The following EBF2 variants were observed in gnomAD, a reference collection of about 807,000 sequenced individuals.
EBF2 encodes the protein EBF transcription factor 2, also known as transcription factor COE2.
EBF2 carries 21 observed loss-of-function variants against 72.8 expected under a neutral mutation model. That is an observed-to-expected ratio of 0.29 (90% CI 0.20 to 0.42). The LOEUF (loss-of-function observed/expected upper bound fraction) is 0.42, where lower values mean the gene tolerates loss of function less well. EBF2 is among the 10% of genes least tolerant of loss of function. The pLI is 1.00. For missense variants in EBF2, 637 were observed against 731.2 expected (o/e 0.87, Z 1.49); for synonymous variants, 299 against 274.2 (o/e 1.09, Z -0.89).
At chr8:25,878,147 C>T (rs1273344703) in intron 10 of EBF2, among the ~76,000 whole-genome samples, 6 of 152,164 alleles carry the variant, frequency 3.9e-5, no homozygotes, top group African/African-American at 1.4e-4. Flanking sequence ...CCTCTCGGGA[C>T]CCGTCCTGCT....
At chr8:25,919,408 A>C (rs1437757336) in intron 6 of EBF2, among the ~76,000 whole-genome samples, 1 of 152,196 alleles carries the variant, frequency 6.6e-6, no homozygotes, top group Non-Finnish European at 1.5e-5. Context: ...ATTTTAGAGC[A>C]AATAGAGAGC....
At chr8:25,953,784 T>A (rs1232389775) in intron 6 of EBF2, among the ~76,000 whole-genome samples, 2 of 152,216 alleles carry the variant, frequency 1.3e-5, no homozygotes, top group Non-Finnish European at 2.9e-5. Context: ...TCCAGGTGAA[T>A]GACAGTCCCT....
chr8:25,844,453 G>T lies in EBF2; in HGVS notation c.*156C>A. 1 of 740,816 alleles carries T rather than the reference G, an allele frequency of 1.3e-6. No individual in the cohort carries two copies. Among genetic ancestry groups the T allele is most frequent in the Non-Finnish European group, 2.3e-6 (1 of 438,014 alleles). The allele number at this position is 740,816 out of a possible 1,614,324, so 45.9% of individuals were successfully genotyped here. On this transcript the variant is annotated 3_prime_UTR_variant, in exon 16 of 16. Transcript: ENST00000520164. ...GCCACCATCAGAGCTATAGGAGGACGTGGGACCAAGTAAGATGCTGGCTCC... is the reference window on the plus strand; with the variant it reads ...GCCACCATCAGAGCTATAGGAGGACTTGGGACCAAGTAAGATGCTGGCTCC...
chr8:26,002,830 G>C (rs1466337783), intron 6 of EBF2, among the ~76,000 whole-genome samples: 1 of 83,150 alleles, frequency 1.2e-5, no homozygotes, highest in Non-Finnish European at 2.9e-5. Flanking sequence ...AACGGGACAG[G>C]CAGGCAGGCA....
chr8:26,041,181 G>A (rs1805593958), intron 2 of EBF2, 179 bp from the exon 3 acceptor site: 2 of 676,004 alleles, frequency 3.0e-6, no homozygotes, highest in South Asian at 3.7e-5. Flanking sequence ...GCCGCCCCCG[G>A]AAACTTGCCA....
At chr8:25,849,262 G>C (rs937737412) in intron 15 of EBF2, among the ~76,000 whole-genome samples, 2 of 152,150 alleles carry the variant, frequency 1.3e-5, no homozygotes, top group Admixed American at 1.3e-4. Flanking sequence ...TTTCTCTGTA[G>C]AGTCACTTGA....
intron 6 of EBF2, among the ~76,000 whole-genome samples, chr8:26,005,809 C>T (rs1804871082): frequency 7.7e-6 from 1 of 130,278 alleles, no homozygotes; most frequent in African/African-American, 3.0e-5. Flanking sequence ...CCAGCATGAG[C>T]AACAGAGCAA....
intron 6 of EBF2, among the ~76,000 whole-genome samples, chr8:25,939,970 T>C (rs996486088): frequency 9.2e-5 from 14 of 152,278 alleles, no homozygotes; most frequent in Middle Eastern, 6.8e-3. Context: ...AAAGAACCCA[T>C]TGTCAAGGGT....
intron 6 of EBF2, among the ~76,000 whole-genome samples, chr8:25,941,911 TC>T (rs1480009194): frequency 6.6e-6 from 1 of 152,240 alleles, no homozygotes; most frequent in Non-Finnish European, 1.5e-5. Context: ...AGGGTTCTCG[TC>T]CATTTTAGTC....
chr8:26,023,593 T>C (rs990445217), intron 6 of EBF2, among the ~76,000 whole-genome samples: 4 of 152,176 alleles, frequency 2.6e-5, no homozygotes, highest in African/African-American at 4.8e-5. Flanking sequence ...GAATTACTTA[T>C]AAATGGTTTG....
chr8:25,845,258 G>A (rs1019574963), intron 15 of EBF2, among the ~76,000 whole-genome samples: 13 of 152,100 alleles, frequency 8.5e-5, no homozygotes, highest in African/African-American at 2.9e-4. Flanking sequence ...TGTTGAGGTG[G>A]AATCTTGTTC....
At chr8:25,959,672 T>A (rs957612829) in intron 6 of EBF2, among the ~76,000 whole-genome samples, 2 of 152,152 alleles carry the variant, frequency 1.3e-5, no homozygotes, top group Admixed American at 1.3e-4. Context: ...ACTGTAGCCA[T>A]TTTGCCGCAA....
At chr8:25,986,629 T>C (rs937477874) in intron 6 of EBF2, among the ~76,000 whole-genome samples, 4 of 152,182 alleles carry the variant, frequency 2.6e-5, no homozygotes, top group African/African-American at 9.7e-5. Context: ...TCTTTTTCAA[T>C]TGGATTATTC....
At position 26,044,929 on chromosome 8, in the gene EBF2, G is replaced by T. The variant is rs557307553; in HGVS notation, c.-70C>A. 3 of 1,526,530 alleles carry T rather than the reference G, an allele frequency of 2.0e-6. No homozygotes were observed. Among genetic ancestry groups the T allele is most frequent in the African/African-American group, 1.4e-5 (1 of 72,770 alleles). 94.6% of individuals were successfully genotyped at this position (1,526,530 alleles called of 1,614,324 possible). On this transcript the variant is annotated 5_prime_UTR_variant, in exon 1 of 16. Coordinates refer to ENST00000520164, the MANE Select transcript of EBF2 (RefSeq NM_022659.4). The surrounding 1 kb of genome is among the most constrained non-coding windows in gnomAD (Gnocchi z 4.1). ...CAACACAGTCCTGACTGTTCCCAAC[G>T]TTGCCAGCAAATCGTCTCCTCCAAA...
chr8:26,042,064 C>T, intron 2 of EBF2, 31 bp downstream of exon 2: 1 of 1,605,810 alleles, frequency 6.2e-7, no homozygotes, highest in Non-Finnish European at 8.5e-7. Flanking sequence ...AGTTATTAGG[C>T]CGCGGGGTTT....
rs1223677782 is a variant in EBF2, at chr8:25,943,330, AAAAG to A, written c.552-34779_552-34776del. Among the ~76,000 whole-genome samples the A allele has an allele frequency of 7.2e-4, 104 of 145,074 alleles. 1 individual carries two copies. Among genetic ancestry groups the A allele is most frequent in the East Asian group, 2.3e-3 (11 of 4,804 alleles). ...TCTACACAAAAAAAAAAAAAAAAAA[AAAAG>A]AAAGAAAGAAAGAGAAAGAAAAAAA... On this transcript the variant is annotated intron_variant, in intron 6 of 15. Transcript: ENST00000520164.
intron 6 of EBF2, among the ~76,000 whole-genome samples, chr8:25,916,079 A>C (rs1324913872): frequency 6.6e-6 from 1 of 152,082 alleles, no homozygotes; most frequent in African/African-American, 2.4e-5. Context: ...TGAGATCAGG[A>C]GCTTGAGACC....
chr8:25,895,765 T>C (rs796967723), intron 7 of EBF2, among the ~76,000 whole-genome samples: 4 of 152,346 alleles, frequency 2.6e-5, no homozygotes, highest in African/African-American at 9.6e-5. Context: ...TTAATCTGCC[T>C]GAACAGCTAA....
intron 7 of EBF2, among the ~76,000 whole-genome samples, chr8:25,898,906 T>C (rs1802901124): frequency 6.6e-6 from 1 of 152,210 alleles, no homozygotes; most frequent in South Asian, 2.1e-4. Context: ...GCGGCAGGTT[T>C]GTGTCCAAAT....
Sources: gnomAD v4.1 joint callset for allele counts (sites outside exome capture counted in the v4.1 genomes callset) on GRCh38, gnomAD v4.1.1 for gene constraint, Gnocchi (gnomAD v3.1) non-coding constraint, MANE v1.5 for transcripts, NCBI Gene and HGNC (gene_info 2026-07-23, HGNC 2026-07-21) for gene names.